DYNC1I1: variants seen among roughly 807,000 people sequenced by gnomAD.
DYNC1I1 encodes dynein cytoplasmic 1 intermediate chain 1.
Under a neutral mutation model 86.6 loss-of-function variants are expected in DYNC1I1, and 43 were observed. That is an observed-to-expected ratio of 0.50 (90% CI 0.39 to 0.64). DYNC1I1 has a LOEUF of 0.64. DYNC1I1 is among the 30% of genes least tolerant of loss of function. DYNC1I1 has a pLI of 0.00. For synonymous variants in DYNC1I1, 262 were observed against 283.7 expected (o/e 0.92, Z 0.77); for missense variants, 604 against 788.8 (o/e 0.77, Z 2.81).
chr7:95,928,480 G>A (rs200072509), intron 6 of DYNC1I1, among the ~76,000 whole-genome samples: 1 of 152,206 alleles, frequency 6.6e-6, no homozygotes, highest in African/African-American at 2.4e-5. Context: ...AGCCCAGACT[G>A]TAGTGGGCTT....
At chr7:95,890,633 A>G (rs1043049177) in intron 6 of DYNC1I1, among the ~76,000 whole-genome samples, 1 of 152,202 alleles carries the variant, frequency 6.6e-6, no homozygotes, top group African/African-American at 2.4e-5. Context: ...GATGCTCTTT[A>G]AAGTATGTTA....
intron 5 of DYNC1I1, among the ~76,000 whole-genome samples, chr7:95,842,391 A>G (rs1288540240): frequency 6.6e-6 from 1 of 152,212 alleles, no homozygotes; most frequent in Non-Finnish European, 1.5e-5. Context: ...GGTTACAGGA[A>G]AGTAAACAGT....
At chr7:95,874,335 C>T (rs1027641035) in intron 6 of DYNC1I1, among the ~76,000 whole-genome samples, 1 of 152,010 alleles carries the variant, frequency 6.6e-6, no homozygotes, top group Non-Finnish European at 1.5e-5. Flanking sequence ...AGTTTCTGTA[C>T]CAGACTGAGT....
chr7:95,848,544 A>C (rs1188326258), intron 5 of DYNC1I1, among the ~76,000 whole-genome samples: 1 of 152,046 alleles, frequency 6.6e-6, no homozygotes, highest in Non-Finnish European at 1.5e-5. Context: ...GTTCATCTAT[A>C]TCGTTGCAAA....
intron 6 of DYNC1I1, among the ~76,000 whole-genome samples, chr7:95,920,497 G>A (rs1791582864): frequency 6.6e-6 from 1 of 152,174 alleles, no homozygotes; most frequent in African/African-American, 2.4e-5. Flanking sequence ...ATTCTAGAGT[G>A]TCCGTATTGG....
chr7:95,996,345 T>C (rs1474677395), intron 10 of DYNC1I1, among the ~76,000 whole-genome samples: 3 of 152,216 alleles, frequency 2.0e-5, no homozygotes, highest in African/African-American at 2.4e-5. Context: ...CTCGCACTTA[T>C]GAAGAAATCG....
intron 6 of DYNC1I1, among the ~76,000 whole-genome samples, chr7:95,958,730 G>A (rs1200600825): frequency 6.6e-6 from 1 of 152,120 alleles, no homozygotes; most frequent in Non-Finnish European, 1.5e-5. Flanking sequence ...GCCTTGTAGA[G>A]AATCTGAAGA....
chr7:95,862,769 G>A (rs544577817), intron 5 of DYNC1I1, among the ~76,000 whole-genome samples: 6 of 152,128 alleles, frequency 3.9e-5, no homozygotes, highest in East Asian at 1.9e-4. Context: ...CCATATCCTC[G>A]GGGGATTGGT....
intron 1 of DYNC1I1, among the ~76,000 whole-genome samples, chr7:95,794,634 C>T (rs1794390812): frequency 6.6e-6 from 1 of 151,990 alleles, no homozygotes. Flanking sequence ...GCATAATGGG[C>T]CTCTGTACTG....
intron 14 of DYNC1I1, among the ~76,000 whole-genome samples, chr7:96,054,103 A>G (rs1190691158): frequency 6.6e-6 from 1 of 152,138 alleles, no homozygotes; most frequent in Non-Finnish European, 1.5e-5. Flanking sequence ...CGTCATCTAC[A>G]TTAGATATTT....
intron 5 of DYNC1I1, among the ~76,000 whole-genome samples, chr7:95,853,592 A>G (rs887222225): frequency 5.9e-5 from 9 of 152,214 alleles, no homozygotes; most frequent in Admixed American, 1.3e-4. Flanking sequence ...GATCTTTTCT[A>G]GAAAATGTTC....
chr7:95,840,353 G>T (rs934735944), intron 5 of DYNC1I1, among the ~76,000 whole-genome samples: 3 of 151,650 alleles, frequency 2.0e-5, no homozygotes, highest in Non-Finnish European at 4.4e-5. Flanking sequence ...AATCAAATCT[G>T]CTGTTGAAAC....
intron 1 of DYNC1I1, among the ~76,000 whole-genome samples, chr7:95,793,078 A>C (rs2115729202): frequency 6.6e-6 from 1 of 152,208 alleles, no homozygotes; most frequent in South Asian, 2.1e-4. Context: ...AGATTTGGTG[A>C]TAGAAAGCTC....
chr7:96,021,070 G>A (rs1419953032), intron 10 of DYNC1I1, among the ~76,000 whole-genome samples: 3 of 152,126 alleles, frequency 2.0e-5, no homozygotes, highest in African/African-American at 7.2e-5. Flanking sequence ...GGAGAAGATC[G>A]AAAAGTTCTG....
chr7:96,049,807 G>A (rs1218886263), intron 14 of DYNC1I1, among the ~76,000 whole-genome samples: 4 of 151,970 alleles, frequency 2.6e-5, no homozygotes, highest in African/African-American at 7.3e-5. Flanking sequence ...CGAGGTGAGC[G>A]GATCACCTGA....
At chr7:96,047,296 C>T (rs529991381) in intron 14 of DYNC1I1, among the ~76,000 whole-genome samples, 2 of 152,220 alleles carry the variant, frequency 1.3e-5, no homozygotes, top group South Asian at 4.1e-4. Flanking sequence ...ATTCAATTGA[C>T]AGCGTAATAC....
At chr7:95,913,427 G>T (rs932273169) in intron 6 of DYNC1I1, among the ~76,000 whole-genome samples, 1 of 152,132 alleles carries the variant, frequency 6.6e-6, no homozygotes, top group Non-Finnish European at 1.5e-5. Context: ...AGGTGCCATG[G>T]ATGGGACCCT....
chr7:96,068,108 G>A (rs532058595), intron 14 of DYNC1I1, among the ~76,000 whole-genome samples: 1 of 152,188 alleles, frequency 6.6e-6, no homozygotes, highest in Admixed American at 6.5e-5. Flanking sequence ...AAATTGTCCA[G>A]GACCCATAAT....
rs1789499136 is a variant in DYNC1I1 at position 95,848,691 on chromosome 7, G to A, written c.374+20575G>A. Reference sequence around the variant, plus strand: ...GTGAATGATACTGCAGTGAACATGGGGGTACAAATACCTCTCTGACATGCT... The same window carrying A: ...GTGAATGATACTGCAGTGAACATGGAGGTACAAATACCTCTCTGACATGCT... On this transcript the variant is annotated intron_variant, in intron 5 of 16. Transcript: ENST00000447467. 2.0e-5 allele frequency among the ~76,000 whole-genome samples: 3 copies of A among 151,816 alleles called. No homozygotes were observed. In the South Asian group the frequency reaches 6.2e-4, roughly 32 times the overall value.
Sources: allele counts gnomAD v4.1 joint callset (sites outside exome capture counted in the v4.1 genomes callset), GRCh38; gene constraint gnomAD v4.1.1; transcripts MANE v1.5; gene names NCBI Gene and HGNC (gene_info 2026-07-23, HGNC 2026-07-21).